Variants in LMX1B observed in about 807,000 individuals in gnomAD.
LMX1B encodes the protein LIM homeobox transcription factor 1-beta.
LMX1B carries 12 observed loss-of-function variants against 51.4 expected under a neutral mutation model. That is an observed-to-expected ratio of 0.23 (90% CI 0.15 to 0.38). LMX1B has a LOEUF of 0.38. Ranked by LOEUF, LMX1B falls within the 10% of genes least tolerant of loss-of-function variation. The probability of loss-of-function intolerance (pLI) is 1.00; values close to 1 mark genes in which losing one functional copy is unlikely to be tolerated. For synonymous variants in LMX1B, 237 were observed against 235.4 expected (o/e 1.01, Z -0.06); for missense variants, 445 against 571.1 (o/e 0.78, Z 2.25).
rs1178501870 is a variant in LMX1B, at chr9:126,656,692, T to C, written c.327-34144T>C. On this transcript the variant is annotated intron_variant, in intron 2 of 7. Coordinates refer to ENST00000373474, the MANE Select transcript of LMX1B (RefSeq NM_001174147.2). Reference sequence around the variant, plus strand: ...GGTGAGAGCTGAGTTCTCTGACATATGAGTCTAAAACAGTTGACTGCAAGG... The same window carrying C: ...GGTGAGAGCTGAGTTCTCTGACATACGAGTCTAAAACAGTTGACTGCAAGG... Among the ~76,000 whole-genome samples, 3 of 152,190 alleles carry C rather than the reference T, an allele frequency of 2.0e-5. No homozygotes were observed. In the East Asian group the frequency reaches 5.8e-4, roughly 29 times the overall value.
At chr9:126,630,436 T>G (rs1835612688) in intron 2 of LMX1B, among the ~76,000 whole-genome samples, 1 of 152,036 alleles carries the variant, frequency 6.6e-6, no homozygotes, top group East Asian at 1.9e-4. Flanking sequence ...ATTTCATCAC[T>G]GGGGGGGAGG....
chr9:126,621,665 T>C lies in LMX1B; in HGVS notation c.326+6096T>C, dbSNP rs866693594. Among the ~76,000 whole-genome samples the C allele has an allele frequency of 1.2e-4, 10 of 86,600 alleles. No homozygotes were observed. The East Asian group carries it at 3.6e-3, about 31-fold the overall frequency. 56.8% of individuals were successfully genotyped at this position (86,600 alleles called of 152,430 possible). A position where few individuals can be genotyped will look rare whatever the true frequency, so the allele number is the denominator to read the frequency against. ...CTCTCTCTCTCTCTTCTTTTTTTTT[T>C]TTTTTTTTTTTTTTTTGCAGTAAAT... On this transcript the variant is annotated intron_variant, in intron 2 of 7. Transcript: ENST00000373474.
intron 2 of LMX1B, among the ~76,000 whole-genome samples, chr9:126,674,635 T>G (rs1484109306): frequency 2.0e-5 from 3 of 152,164 alleles, no homozygotes; most frequent in Non-Finnish European, 4.4e-5. Context: ...TGTGCTCCCA[T>G]CTCAGGCAGG....
chr9:126,648,182 C>T (rs557598625), intron 2 of LMX1B, among the ~76,000 whole-genome samples: 2 of 152,356 alleles, frequency 1.3e-5, no homozygotes, highest in Non-Finnish European at 2.9e-5. Context: ...GGCGTGGACT[C>T]CATTTGTAAC....
At chr9:126,680,357 C>CT (rs537234169) in intron 2 of LMX1B, among the ~76,000 whole-genome samples, 153 of 152,338 alleles carry the variant, frequency 1.0e-3, no homozygotes, top group Admixed American at 2.3e-3. Flanking sequence ...AGCTCAGACA[C>CT]TAAGCAGCTG....
rs1159143451 is a variant in LMX1B, at chr9:126,625,104, C to G, written c.326+9535C>G. Among the ~76,000 whole-genome samples, 1 of 152,206 alleles carries G rather than the reference C, an allele frequency of 6.6e-6. No homozygotes were observed. The highest frequency in any genetic ancestry group is 1.9e-4 in the East Asian group (1 of 5,188). ...AACGACGGAAACTTGCCATCCTAAT[C>G]CCCTTATTCATGTCAAGCACAGAAA... On this transcript the variant is annotated intron_variant, in intron 2 of 7. Coordinates refer to ENST00000373474, the MANE Select transcript of LMX1B (RefSeq NM_001174147.2). The surrounding 1 kb of genome is among the most constrained non-coding windows in gnomAD (Gnocchi z 5.3).
At position 126,696,649 on chromosome 9, in the gene LMX1B, G is replaced by A. The variant is rs1401805532; in HGVS notation, c.*198G>A. On this transcript the variant is annotated 3_prime_UTR_variant, in exon 8 of 8. Transcript: ENST00000373474. ...GGTAGATGGGCACAGCCTGGGCAGG[G>A]GCTGTGTCCTGCCCACAGAGACCTT... is the stretch of plus-strand genomic sequence containing the variant. 9.7e-6 allele frequency: 6 copies of A among 616,914 alleles called. No individual in the cohort carries two copies. Among genetic ancestry groups the A allele is most frequent in the Non-Finnish European group, 1.7e-5 (6 of 351,760 alleles). The allele number at this position is 616,914 out of a possible 1,614,324, so 38.2% of individuals were successfully genotyped here.
In LMX1B at chr9:126,693,844, G is replaced by C. The variant is rs761160503; in HGVS notation, c.886+32G>C. 2.4e-5 allele frequency: 24 copies of C among 1,015,938 alleles called. 1 individual carries two copies. The highest frequency in any genetic ancestry group is 1.5e-4 in the South Asian group (11 of 73,540). 62.9% of individuals were successfully genotyped at this position (1,015,938 alleles called of 1,614,324 possible). On this transcript the variant is annotated intron_variant, in intron 6 of 7. Coordinates refer to ENST00000373474, the MANE Select transcript of LMX1B (RefSeq NM_001174147.2). ...CGGGGCCGGGGCAGGGCCTGGGCCA[G>C]GGTGAGCTGGGGCCGGGGCCAGGGG...
chr9:126,682,898 A>G (rs1263126052), intron 2 of LMX1B, among the ~76,000 whole-genome samples: 2 of 143,046 alleles, frequency 1.4e-5, no homozygotes, highest in Admixed American at 6.7e-5. Flanking sequence ...CTGTCTGAAA[A>G]AAAAAAAAAA....
At position 126,699,916 on chromosome 9, in the gene LMX1B, G is replaced by T. The variant is rs1455023235; in HGVS notation, c.*3465G>T. On this transcript the variant is annotated 3_prime_UTR_variant, in exon 8 of 8. Coordinates refer to ENST00000373474, the MANE Select transcript of LMX1B (RefSeq NM_001174147.2). Reference sequence around the variant, plus strand: ...ACATGGAACCTTCATCACTAAGGGGGCTGGAGTGGGAAGAGGGAGATAACT... The same window carrying T: ...ACATGGAACCTTCATCACTAAGGGGTCTGGAGTGGGAAGAGGGAGATAACT... The T allele has an allele frequency of 6.6e-6, 1 of 152,296 alleles. No homozygotes were observed. Among genetic ancestry groups the T allele is most frequent in the Non-Finnish European group, 1.5e-5 (1 of 68,088 alleles). The allele number at this position is 152,296 out of a possible 1,614,324, so 9.4% of individuals were successfully genotyped here.
chr9:126,653,439 A>C (rs1431047024), intron 2 of LMX1B, among the ~76,000 whole-genome samples: 1 of 151,814 alleles, frequency 6.6e-6, no homozygotes, highest in Non-Finnish European at 1.5e-5. Context: ...TACAGGCTTG[A>C]CCCACCATGC....
intron 2 of LMX1B, among the ~76,000 whole-genome samples, chr9:126,648,096 C>T (rs1464709337): frequency 6.6e-6 from 1 of 152,194 alleles, no homozygotes; most frequent in Non-Finnish European, 1.5e-5. Context: ...TTCATAACTC[C>T]CAGTAATGAC....
chr9:126,615,784 C>T lies in LMX1B; in HGVS notation c.326+215C>T, dbSNP rs1438856697. The stretch of plus-strand genomic sequence containing the variant: ...GGTCCTGGGAGCCTCCGGACGGCCC[C>T]CAGTTGCCATCCGTTGTCCCGGAAT... On this transcript the variant is annotated intron_variant, in intron 2 of 7. Transcript: ENST00000373474. This position sits in a 1 kb window ranked among gnomAD's most constrained non-coding sequence, Gnocchi z 6.0. Among the ~76,000 whole-genome samples the T allele has an allele frequency of 1.3e-5, 2 of 152,182 alleles. No individual in the cohort carries two copies. The highest frequency in any genetic ancestry group is 2.9e-5 in the Non-Finnish European group (2 of 68,030).
chr9:126,631,513 G>A (rs568107917), intron 2 of LMX1B, among the ~76,000 whole-genome samples: 16 of 152,120 alleles, frequency 1.1e-4, no homozygotes, highest in Middle Eastern at 3.4e-3. Flanking sequence ...CAGCTCGGCC[G>A]GCCGGGATGG....
intron 2 of LMX1B, among the ~76,000 whole-genome samples, chr9:126,622,154 T>C (rs998327409): frequency 6.6e-6 from 1 of 152,068 alleles, no homozygotes; most frequent in Non-Finnish European, 1.5e-5. Context: ...TTTGTCTCAA[T>C]TGGGAGCTTG....
intron 3 of LMX1B, among the ~76,000 whole-genome samples, chr9:126,692,603 T>C (rs777839104): frequency 4.6e-5 from 7 of 152,202 alleles, no homozygotes; most frequent in Non-Finnish European, 7.3e-5. Flanking sequence ...TGAGCCCACG[T>C]GTATGTGGCA....
chr9:126,678,305 G>A (rs1836606029), intron 2 of LMX1B, among the ~76,000 whole-genome samples: 1 of 138,606 alleles, frequency 7.2e-6, no homozygotes, highest in Non-Finnish European at 1.5e-5. Context: ...GCGAGACTTC[G>A]TCTCAAAAAA....
intron 2 of LMX1B, among the ~76,000 whole-genome samples, chr9:126,651,650 C>T (rs953082777): frequency 5.3e-5 from 8 of 152,158 alleles, no homozygotes; most frequent in African/African-American, 1.9e-4. Flanking sequence ...GGGCCCCGCT[C>T]CTCTCCTGAG....
chr9:126,696,735 T>A lies in LMX1B; in HGVS notation c.*284T>A. On this transcript the variant is annotated 3_prime_UTR_variant, in exon 8 of 8. Coordinates refer to ENST00000373474, the MANE Select transcript of LMX1B (RefSeq NM_001174147.2). Reference sequence around the variant, plus strand: ...CTCGCCTCCCAGCCCCACCTCGGCCTCCATCGCCTCCTCCCCATCTCTTTT... The same window carrying A: ...CTCGCCTCCCAGCCCCACCTCGGCCACCATCGCCTCCTCCCCATCTCTTTT... The A allele has an allele frequency of 1.9e-6, 1 of 534,308 alleles. No homozygotes were observed. The highest frequency in any genetic ancestry group is 2.2e-5 in the South Asian group (1 of 44,546). 33.1% of individuals were successfully genotyped at this position (534,308 alleles called of 1,614,324 possible).
Sources: allele counts gnomAD v4.1 joint callset (sites outside exome capture counted in the v4.1 genomes callset), GRCh38; gene constraint gnomAD v4.1.1; non-coding constraint Gnocchi (gnomAD v3.1); transcripts MANE v1.5; gene names NCBI Gene and HGNC (gene_info 2026-07-23, HGNC 2026-07-21).